PLCG1: variants seen among roughly 807,000 people sequenced by gnomAD.
The protein encoded by PLCG1 is 1-phosphatidylinositol 4,5-bisphosphate phosphodiesterase gamma-1.
In PLCG1, 71 loss-of-function variants were observed where a neutral mutation model predicts 177.8. The observed-to-expected ratio is 0.40, with a 90% CI of 0.33 to 0.49. The LOEUF is 0.49. Ranked by LOEUF, PLCG1 falls within the 20% of genes least tolerant of loss-of-function variation. The pLI is 0.72. For synonymous variants in PLCG1, 658 were observed against 647.9 expected (o/e 1.02, Z -0.24); for missense variants, 1,281 against 1,709.0 (o/e 0.75, Z 4.42).
In PLCG1 at chr20:41,159,167, C is replaced by T. The variant is rs577985360; in HGVS notation, c.218-439C>T. On this transcript the variant is annotated intron_variant, in intron 1 of 31. Transcript: ENST00000685551. The surrounding 1 kb of genome is among the most constrained non-coding windows in gnomAD (Gnocchi z 6.0). The stretch of plus-strand genomic sequence containing the variant: ...ATGCACCAGTCCTCTGGGCCAGAGC[C>T]TACTTTCTCCCAGGGATCCTGAGGC... 7.2e-5 allele frequency among the ~76,000 whole-genome samples: 11 copies of T among 152,280 alleles called. No homozygotes were observed. The highest frequency in any genetic ancestry group is 2.6e-4 in the African/African-American group (11 of 41,554).
chr20:41,163,963 A>G lies in PLCG1; in HGVS notation c.1053A>G (p.Glu351=), dbSNP rs1332436753. The change falls in exon 11 of 32, where the codon GAA becomes GAG. Residue 351 remains glutamate, a synonymous_variant. Coordinates refer to ENST00000685551, the MANE Select transcript of PLCG1 (RefSeq NM_002660.3). The surrounding 1 kb of genome is among the most constrained non-coding windows in gnomAD (Gnocchi z 5.2). ...AGTTCTCCAGTGAGTCCTCCTTGGA[A>G]GCCTATGCTCGCTGCCTGCGGATGG... is the stretch of plus-strand genomic sequence containing the variant. ...GDQFSSESSL[E]AYARCLRMGC... 1 of 1,614,038 alleles carries G rather than the reference A, an allele frequency of 6.2e-7. No homozygotes were observed. Among genetic ancestry groups the G allele is most frequent in the Non-Finnish European group, 8.5e-7 (1 of 1,180,008 alleles).
At chr20:41,169,976 G>C (rs2035839345) in intron 23 of PLCG1, 136 bp from the exon 24 acceptor site, 1 of 783,808 alleles carries the variant, frequency 1.3e-6, no homozygotes, top group Admixed American at 2.5e-5. Context: ...CAGCAGAGTA[G>C]TCCTTCCCCT....
At chr20:41,154,422 G>T (rs2035256559) in intron 1 of PLCG1, among the ~76,000 whole-genome samples, 1 of 152,242 alleles carries the variant, frequency 6.6e-6, no homozygotes, top group Non-Finnish European at 1.5e-5. Flanking sequence ...GGCTCTCACT[G>T]GCTGTGCTCT....
chr20:41,154,452 C>T (rs1345640113), intron 1 of PLCG1, among the ~76,000 whole-genome samples: 1 of 152,246 alleles, frequency 6.6e-6, no homozygotes, highest in Non-Finnish European at 1.5e-5. Context: ...TGCCTTTGCT[C>T]TTCTCTTTCT....
rs983853420 is a variant in PLCG1 at position 41,176,498 on chromosome 20, G to T, written c.*1989G>T. On this transcript the variant is annotated 3_prime_UTR_variant, in exon 32 of 32. Coordinates refer to ENST00000685551, the MANE Select transcript of PLCG1 (RefSeq NM_002660.3). ...CTTCTGTTAGGGCCCATCCACGTTG[G>T]TTAGGACGTCCTTGGCGTGTTTGTT... The T allele has an allele frequency of 3.3e-5, 5 of 152,194 alleles. No individual in the cohort carries two copies. The highest frequency in any genetic ancestry group is 9.7e-5 in the African/African-American group (4 of 41,440). 9.4% of individuals were successfully genotyped at this position (152,194 alleles called of 1,614,324 possible).
rs964848247 is a variant in PLCG1 at position 41,151,655 on chromosome 20, G to A, written c.218-7951G>A. On this transcript the variant is annotated intron_variant, in intron 1 of 31. Transcript: ENST00000685551. This position sits in a 1 kb window ranked among gnomAD's most constrained non-coding sequence, Gnocchi z 5.5. ...CAGGAGGAGGAATATTATAGTCTCAGGAAGAGGGAGGAATGAGAGGGAGAG... is the reference window on the plus strand; with the variant it reads ...CAGGAGGAGGAATATTATAGTCTCAAGAAGAGGGAGGAATGAGAGGGAGAG... Among the ~76,000 whole-genome samples, 5 of 152,176 alleles carry A rather than the reference G, an allele frequency of 3.3e-5. No homozygotes were observed. The highest frequency in any genetic ancestry group is 6.5e-5 in the Admixed American group (1 of 15,282).
chr20:41,171,278 G>A (rs985347391), intron 24 of PLCG1, among the ~76,000 whole-genome samples: 1 of 152,114 alleles, frequency 6.6e-6, no homozygotes, highest in Admixed American at 6.5e-5. Context: ...GCTGAAAAGG[G>A]AAGAGTCTGA....
intron 1 of PLCG1, among the ~76,000 whole-genome samples, chr20:41,158,552 T>C (rs1470436146): frequency 1.3e-5 from 2 of 152,140 alleles, no homozygotes; most frequent in Non-Finnish European, 2.9e-5. Flanking sequence ...GAGGAGTCCA[T>C]TGGATGGGCC....
At position 41,160,222 on chromosome 20, in the gene PLCG1, T is replaced by C. The variant is rs1044995398; in HGVS notation, c.512+69T>C. 30 of 1,417,558 alleles carry C rather than the reference T, an allele frequency of 2.1e-5. No homozygotes were observed. Among genetic ancestry groups the C allele is most frequent in the South Asian group, 1.1e-5 (1 of 87,140 alleles). 87.8% of individuals were successfully genotyped at this position (1,417,558 alleles called of 1,614,324 possible). A position where few individuals can be genotyped will look rare whatever the true frequency, so the allele number is the denominator to read the frequency against. Reference sequence around the variant, plus strand: ...GCATCCAGAACCTTAGCCAGGCCTCTAAGTAGCTGCCCGGAGAGCCAGAGG... The same window carrying C: ...GCATCCAGAACCTTAGCCAGGCCTCCAAGTAGCTGCCCGGAGAGCCAGAGG... On this transcript the variant is annotated intron_variant, in intron 4 of 31. Coordinates refer to ENST00000685551, the MANE Select transcript of PLCG1 (RefSeq NM_002660.3). This position sits in a 1 kb window ranked among gnomAD's most constrained non-coding sequence, Gnocchi z 5.5.
chr20:41,147,951 G>A lies in PLCG1; in HGVS notation c.217+10093G>A, dbSNP rs909082395. 6.6e-6 allele frequency among the ~76,000 whole-genome samples: 1 copy of A among 152,134 alleles called. No individual in the cohort carries two copies. Among genetic ancestry groups the A allele is most frequent in the African/African-American group, 2.4e-5 (1 of 41,420 alleles). ...GATCAGAGTCTAGATCACTCACTGG[G>A]GCCCTGTTTCCCAGGAAGCAAAAAG... On this transcript the variant is annotated intron_variant, in intron 1 of 31. Coordinates refer to ENST00000685551, the MANE Select transcript of PLCG1 (RefSeq NM_002660.3). This position sits in a 1 kb window ranked among gnomAD's most constrained non-coding sequence, Gnocchi z 4.0.
At chr20:41,138,115 T>A (rs2034666996) in intron 1 of PLCG1, 2 of 329,442 alleles carry the variant, frequency 6.1e-6, no homozygotes, top group Non-Finnish European at 1.1e-5. Context: ...CCCTGAGGCC[T>A]AAAAATCCTC....
At chr20:41,152,138 G>A (rs1053305081) in intron 1 of PLCG1, among the ~76,000 whole-genome samples, 2 of 152,068 alleles carry the variant, frequency 1.3e-5, no homozygotes, top group African/African-American at 2.4e-5. Flanking sequence ...GTGGGGAACT[G>A]GGAGGGACTC....
chr20:41,164,848 G>C lies in PLCG1; in HGVS notation c.1218-85G>C. On this transcript the variant is annotated intron_variant, in intron 12 of 31. Coordinates refer to ENST00000685551, the MANE Select transcript of PLCG1 (RefSeq NM_002660.3). The surrounding 1 kb of genome is among the most constrained non-coding windows in gnomAD (Gnocchi z 6.4). Reference sequence around the variant, plus strand: ...ACAGACAAGAAGCCCCCAGGCCCTTGGCTTCCAACAGCTCACTGTGAGGGG... The same window carrying C: ...ACAGACAAGAAGCCCCCAGGCCCTTCGCTTCCAACAGCTCACTGTGAGGGG... 2 of 1,373,748 alleles carry C rather than the reference G, an allele frequency of 1.5e-6. No individual in the cohort carries two copies. Among genetic ancestry groups the C allele is most frequent in the Non-Finnish European group, 2.0e-6 (2 of 994,040 alleles). The allele number at this position is 1,373,748 out of a possible 1,614,324, so 85.1% of individuals were successfully genotyped here. A position where few individuals can be genotyped will look rare whatever the true frequency, so the allele number is the denominator to read the frequency against.
intron 5 of PLCG1, 40 bp from the exon 6 acceptor site, chr20:41,162,602 C>T (rs746721642): frequency 1.2e-6 from 2 of 1,605,532 alleles, no homozygotes; most frequent in African/African-American, 1.3e-5. Context: ...CAGCTGGGGG[C>T]CTGACTGCCT....
At chr20:41,169,286 T>A in intron 22 of PLCG1, 111 bp downstream of exon 22, 1 of 976,440 alleles carries the variant, frequency 1.0e-6, no homozygotes, top group Non-Finnish European at 1.6e-6. Flanking sequence ...ACCTGTCACA[T>A]GGGCTGGTCG....
Position 41,166,983 on chromosome 20 carries a change from G to T in PLCG1, c.2301+124G>T, listed in dbSNP as rs1234303082. Reference sequence around the variant, plus strand: ...TGTAGAAGTTCGTGGGAGGGCCCCTGACTCCAGCTGGGAGCCACAGTGTGG... The same window carrying T: ...TGTAGAAGTTCGTGGGAGGGCCCCTTACTCCAGCTGGGAGCCACAGTGTGG... On this transcript the variant is annotated intron_variant, in intron 19 of 31. Transcript: ENST00000685551. The surrounding 1 kb of genome is among the most constrained non-coding windows in gnomAD (Gnocchi z 8.6). The T allele has an allele frequency of 8.0e-6, 7 of 879,988 alleles. No individual in the cohort carries two copies. The East Asian group carries it at 1.7e-4, about 22-fold the overall frequency. The allele number at this position is 879,988 out of a possible 1,614,324, so 54.5% of individuals were successfully genotyped here. A position where few individuals can be genotyped will look rare whatever the true frequency, so the allele number is the denominator to read the frequency against.
intron 23 of PLCG1, 135 bp downstream of exon 23, chr20:41,169,661 C>T: frequency 1.4e-6 from 1 of 707,646 alleles, no homozygotes; most frequent in Non-Finnish European, 2.5e-6. Context: ...TCCCCATGCT[C>T]TGGACATCCC....
At chr20:41,143,384 A>C (rs2034892748) in intron 1 of PLCG1, among the ~76,000 whole-genome samples, 1 of 152,146 alleles carries the variant, frequency 6.6e-6, no homozygotes, top group Admixed American at 6.5e-5. Context: ...TGATATTAGG[A>C]GACTGATTTT....
Position 41,163,745 on chromosome 20 carries a change from A to G in PLCG1, c.922A>G (p.Ser308Gly), listed in dbSNP as rs2146039978. Residue 308 changes from serine (S) to glycine (G), a missense_variant, in exon 10 of 32, where the codon AGT (serine) becomes GGT (glycine). Around this residue, in one of 4 missense-constraint regions of PLCG1, gnomAD observed 374 missense variants for 443.8 expected, o/e 0.84. Coordinates refer to ENST00000685551, the MANE Select transcript of PLCG1 (RefSeq NM_002660.3). The surrounding 1 kb of genome is among the most constrained non-coding windows in gnomAD (Gnocchi z 5.2). Reference sequence around the variant, plus strand: ...CACCTTCCTGTTCTCCAAAGAGAACAGTGTGTGGAACTCGCAGCTGGATGC... The same window carrying G: ...CACCTTCCTGTTCTCCAAAGAGAACGGTGTGTGGAACTCGCAGCTGGATGC... ...FVTFLFSKEN[S>G]VWNSQLDAVC... is the part of the protein sequence containing the mutation. 2 of 1,612,980 alleles carry G rather than the reference A, an allele frequency of 1.2e-6. No individual in the cohort carries two copies. Among genetic ancestry groups the G allele is most frequent in the Admixed American group, 1.7e-5 (1 of 60,036 alleles).
Sources: allele counts gnomAD v4.1 joint callset (sites outside exome capture counted in the v4.1 genomes callset), GRCh38; gene constraint gnomAD v4.1.1; regional missense constraint gnomAD v4.1.1; non-coding constraint Gnocchi (gnomAD v3.1); transcripts MANE v1.5; gene names NCBI Gene and HGNC (gene_info 2026-07-23, HGNC 2026-07-21).